UBXN2A: variants seen among roughly 807,000 people sequenced by gnomAD.
UBXN2A encodes the protein UBX domain-containing protein 2A.
In UBXN2A, 28 loss-of-function variants were observed where a neutral mutation model predicts 28.4. That is an observed-to-expected ratio of 0.99 (90% confidence interval 0.73 to 1.35). The LOEUF (loss-of-function observed/expected upper bound fraction) is 1.35, where lower values mean the gene tolerates loss of function less well. Among genes scored for constraint, UBXN2A ranks in the 40% most tolerant of loss-of-function variants. The pLI is 0.00. For missense variants in UBXN2A, 253 were observed against 297.9 expected (o/e 0.85, Z 1.11); for synonymous variants, 97 against 103.6 (o/e 0.94, Z 0.39).
chr2:23,935,400 C>CAAA (rs200349878), intron 1 of UBXN2A, among the ~76,000 whole-genome samples: 1 of 151,420 alleles, frequency 6.6e-6, no homozygotes, highest in Non-Finnish European at 1.5e-5. Flanking sequence ...ACAACAACAA[C>CAAA]AAAAAAAACC....
chr2:23,948,963 G>A (rs1021556612), intron 1 of UBXN2A, among the ~76,000 whole-genome samples: 20 of 51,840 alleles, frequency 3.9e-4, no homozygotes, highest in African/African-American at 1.4e-3. Flanking sequence ...TTTTTTTTTT[G>A]AGACAGAATC....
At chr2:23,928,186 AAAAG>A (rs1472419522) in intron 1 of UBXN2A, among the ~76,000 whole-genome samples, 3 of 151,880 alleles carry the variant, frequency 2.0e-5, no homozygotes, top group African/African-American at 4.8e-5. Flanking sequence ...AGAAAAAAAA[AAAAG>A]AAGAAAGAGA....
chr2:23,933,129 A>T (rs889083669), intron 1 of UBXN2A, among the ~76,000 whole-genome samples: 4 of 152,044 alleles, frequency 2.6e-5, no homozygotes, highest in East Asian at 1.9e-4. Context: ...AAATTAAATT[A>T]AAAAATAAAG....
At chr2:23,938,466 CA>C (rs1010835879), upstream of UBXN2A, among the ~76,000 whole-genome samples, 7 of 145,434 alleles carry the variant, frequency 4.8e-5, no homozygotes, top group African/African-American at 1.3e-4. Flanking sequence ...AACTCCATCT[CA>C]AAAAAAAAAT....
intron 6 of UBXN2A, among the ~76,000 whole-genome samples, chr2:23,998,746 T>C (rs895560302): frequency 3.3e-5 from 5 of 152,012 alleles, no homozygotes; most frequent in African/African-American, 9.7e-5. Flanking sequence ...ATCTTTTTTT[T>C]TGAGACAGGG....
intron 1 of UBXN2A, among the ~76,000 whole-genome samples, chr2:23,954,931 C>CTT (rs35139100): frequency 0.12 from 14,143 of 120,664 alleles, 1,025 homozygotes; most frequent in African/African-American, 0.13. Context: ...GCTTGCCTAC[C>CTT]TTTTTTTTTT....
chr2:23,946,653 A>G (rs1351406899), intron 1 of UBXN2A, among the ~76,000 whole-genome samples: 1 of 151,654 alleles, frequency 6.6e-6, no homozygotes, highest in African/African-American at 2.4e-5. Flanking sequence ...ATGGAGTTTC[A>G]CCATATTGGC....
intron 2 of UBXN2A, among the ~76,000 whole-genome samples, chr2:23,965,553 T>C (rs1707127181): frequency 6.6e-6 from 1 of 152,256 alleles, no homozygotes; most frequent in Non-Finnish European, 1.5e-5. Flanking sequence ...CAGCCTCGCA[T>C]ACCTAGGATA....
chr2:23,999,762 G>T lies in UBXN2A; in HGVS notation c.675G>T (p.Arg225Ser). 4 of 1,614,130 alleles carry T rather than the reference G, an allele frequency of 2.5e-6. No individual in the cohort carries two copies. The highest frequency in any genetic ancestry group is 2.5e-6 in the Non-Finnish European group (3 of 1,180,020). The change falls in exon 7 of 7, where the codon AGG becomes AGT. Residue 225 changes from arginine to serine, a missense_variant. Arg to Ser is a moderately radical substitution (Grantham distance 110). Coordinates refer to ENST00000309033, the MANE Select transcript of UBXN2A (RefSeq NM_181713.4). ...TGGCAACAGCTCTTCCTGTCCTCAG[G>T]TTGCTAGATGAGACACTCACACTGG... Reference protein sequence around the residue: ...FSLATALPVLRLLDETLTLEE... With the variant: ...FSLATALPVLSLLDETLTLEE...
upstream of UBXN2A, among the ~76,000 whole-genome samples, chr2:23,937,908 G>C (rs532647937): frequency 1.3e-5 from 2 of 152,238 alleles, no homozygotes; most frequent in South Asian, 4.1e-4. Context: ...GCATAGCCTT[G>C]CTCCCGGGCT....
upstream of UBXN2A, among the ~76,000 whole-genome samples, chr2:23,938,553 CCCTT>C (rs1393309593): frequency 5.9e-4 from 62 of 104,780 alleles, no homozygotes; most frequent in African/African-American, 2.2e-3. Context: ...GCCCCCCCCT[CCCTT>C]TTTTTTTTTT....
At chr2:23,934,656 TAAAC>T (rs1179375761) in intron 1 of UBXN2A, among the ~76,000 whole-genome samples, 4 of 152,142 alleles carry the variant, frequency 2.6e-5, no homozygotes, top group African/African-American at 4.8e-5. Flanking sequence ...GAGTATCTAA[TAAAC>T]AAATTACTCA....
At chr2:23,957,737 G>C (rs918462456) in intron 1 of UBXN2A, among the ~76,000 whole-genome samples, 1 of 152,198 alleles carries the variant, frequency 6.6e-6, no homozygotes, top group African/African-American at 2.4e-5. Context: ...GGGAGGCTGA[G>C]GCAGGAGAAT....
At chr2:23,930,799 G>T (rs556205471) in intron 1 of UBXN2A, among the ~76,000 whole-genome samples, 1 of 152,066 alleles carries the variant, frequency 6.6e-6, no homozygotes, top group Non-Finnish European at 1.5e-5. Context: ...TAGGAGAATC[G>T]CTTGAGCTCA....
At chr2:23,963,386 A>T (rs188496311) in intron 2 of UBXN2A, among the ~76,000 whole-genome samples, 6 of 151,660 alleles carry the variant, frequency 4.0e-5, no homozygotes, top group South Asian at 4.2e-4. Context: ...GTGGTGGCAC[A>T]CACTTGTAAT....
chr2:23,986,689 C>T (rs1308927774), intron 6 of UBXN2A, among the ~76,000 whole-genome samples: 1 of 151,016 alleles, frequency 6.6e-6, no homozygotes, highest in Non-Finnish European at 1.5e-5. Context: ...CTCACTGCAA[C>T]CTTCATCCCC....
At chr2:23,986,897 C>T (rs1221892328) in intron 6 of UBXN2A, among the ~76,000 whole-genome samples, 3 of 151,838 alleles carry the variant, frequency 2.0e-5, no homozygotes, top group Non-Finnish European at 4.4e-5. Flanking sequence ...CATGAGCCAC[C>T]GTGCCCAGCC....
intron 1 of UBXN2A, chr2:23,944,303 G>A (rs977818086): frequency 6.2e-7 from 1 of 1,604,994 alleles, no homozygotes. Flanking sequence ...AGTCTGGAGT[G>A]GTTGTCCTGG....
chr2:23,974,901 C>A (rs1406647478), intron 3 of UBXN2A, among the ~76,000 whole-genome samples: 1 of 151,872 alleles, frequency 6.6e-6, no homozygotes, highest in East Asian at 1.9e-4. Flanking sequence ...ATCACTTGAA[C>A]CAGGGAGGCG....
Sources: gnomAD v4.1 joint callset for allele counts (sites outside exome capture counted in the v4.1 genomes callset) on GRCh38, gnomAD v4.1.1 for gene constraint, MANE v1.5 for transcripts, NCBI Gene and HGNC (gene_info 2026-07-23, HGNC 2026-07-21) for gene names.